DENND2A: variants seen among roughly 807,000 people sequenced by gnomAD.
DENND2A encodes DENN domain-containing protein 2A.
Under a neutral mutation model 105.3 loss-of-function variants are expected in DENND2A, and 53 were observed. That is an observed-to-expected ratio of 0.50 (90% CI 0.40 to 0.63). DENND2A has a LOEUF of 0.63. Among genes scored for constraint, DENND2A ranks in the 30% least tolerant of loss-of-function variants. The probability of loss-of-function intolerance (pLI) is 0.00; values close to 1 mark genes in which losing one functional copy is unlikely to be tolerated. For missense variants in DENND2A, 1,138 were observed against 1,279.6 expected (o/e 0.89, Z 1.69); for synonymous variants, 522 against 508.4 (o/e 1.03, Z -0.36).
At chr7:140,537,202 AC>A (rs1186198060) in intron 14 of DENND2A, among the ~76,000 whole-genome samples, 3 of 152,178 alleles carry the variant, frequency 2.0e-5, no homozygotes, top group African/African-American at 7.2e-5. Context: ...TCTAAAAAGG[AC>A]ATGGGATTCT....
chr7:140,555,345 G>A (rs2130556403), intron 12 of DENND2A, among the ~76,000 whole-genome samples: 1 of 151,866 alleles, frequency 6.6e-6, no homozygotes, highest in Middle Eastern at 3.4e-3. Flanking sequence ...CACCATGCTG[G>A]CCAGGCTTGT....
chr7:140,608,325 G>A (rs950242731), intron 1 of DENND2A, among the ~76,000 whole-genome samples: 1 of 152,128 alleles, frequency 6.6e-6, no homozygotes, highest in African/African-American at 2.4e-5. Flanking sequence ...AATTCACAAA[G>A]ATATTAAAAA....
At position 140,527,407 on chromosome 7, in the gene DENND2A, T is replaced by G; in HGVS notation, c.2416A>C (p.Met806Leu). 1 of 1,601,432 alleles carries G rather than the reference T, an allele frequency of 6.2e-7. No individual in the cohort carries two copies. Among genetic ancestry groups the G allele is most frequent in the Non-Finnish European group, 8.5e-7 (1 of 1,175,572 alleles). Residue 806 changes from methionine (M) to leucine (L), a missense_variant, in exon 15 of 20, where the codon ATG (methionine) becomes CTG (leucine). By Grantham distance (15) the Met-to-Leu change is conservative. Transcript: ENST00000496613. The surrounding 1 kb of genome is among the most constrained non-coding windows in gnomAD (Gnocchi z 4.9). Reference sequence around the variant, plus strand: ...GTCGGCGAGCACACGATGTCGACCATGGCGGGTGGCAGCACCGGGATGTAG... The same window carrying G: ...GTCGGCGAGCACACGATGTCGACCAGGGCGGGTGGCAGCACCGGGATGTAG... ...HTYIPVLPPA[M>L]VDIVCSPTPF...
Position 140,518,755 on chromosome 7 carries a change from T to C in DENND2A, c.2999-17A>G. The stretch of plus-strand genomic sequence containing the variant: ...TTTTATTGCCTAAAAAAAAGGAAAA[T>C]GAGAACATTTCACAAGGCAGACAAA... On this transcript the variant is annotated splice_polypyrimidine_tract_variant and intron_variant, in intron 19 of 19. Coordinates refer to ENST00000496613, the MANE Select transcript of DENND2A (RefSeq NM_015689.5). 1 of 1,611,688 alleles carries C rather than the reference T, an allele frequency of 6.2e-7. No individual in the cohort carries two copies. The highest frequency in any genetic ancestry group is 1.3e-5 in the African/African-American group (1 of 74,928).
rs188250577 is a variant in DENND2A at position 140,631,340 on chromosome 7, A to G, written c.-248+9164T>C. On this transcript the variant is annotated intron_variant, in intron 1 of 19. Transcript: ENST00000496613. ...ATTCTCTTTCTCGTTTTCTCTGACAAATTGGCAGCCTGAACCTCGGGGTTG... is the reference window on the plus strand; with the variant it reads ...ATTCTCTTTCTCGTTTTCTCTGACAGATTGGCAGCCTGAACCTCGGGGTTG... 2.0e-3 allele frequency among the ~76,000 whole-genome samples: 298 copies of G among 152,176 alleles called. 1 individual carries two copies. Among genetic ancestry groups the G allele is most frequent in the African/African-American group, 6.8e-3 (283 of 41,530 alleles).
chr7:140,549,083 G>A (rs553236934), intron 12 of DENND2A, among the ~76,000 whole-genome samples: 2 of 151,836 alleles, frequency 1.3e-5, no homozygotes, highest in East Asian at 4.0e-4. Flanking sequence ...CAGGCGTGGT[G>A]GCAGGCTATA....
intron 1 of DENND2A, among the ~76,000 whole-genome samples, chr7:140,625,632 A>G (rs1318643668): frequency 2.6e-5 from 4 of 152,158 alleles, no homozygotes; most frequent in Admixed American, 6.5e-5. Flanking sequence ...CAGTGAGCCG[A>G]GATCATGCCA....
intron 1 of DENND2A, among the ~76,000 whole-genome samples, chr7:140,612,900 A>G (rs533675561): frequency 6.6e-6 from 1 of 151,954 alleles, no homozygotes; most frequent in East Asian, 2.0e-4. Context: ...GGATCACCTG[A>G]GGTCAGGAGT....
rs1006240268 is a variant in DENND2A, at chr7:140,527,861, G to T, written c.2328-366C>A. On this transcript the variant is annotated intron_variant, in intron 14 of 19. Transcript: ENST00000496613. The surrounding 1 kb of genome is among the most constrained non-coding windows in gnomAD (Gnocchi z 4.9). The stretch of plus-strand genomic sequence containing the variant: ...ATATTTTTAATTTTTTTGAGACGGA[G>T]TCTCACTCTGTTGCCCAGGCTGGGG... Among the ~76,000 whole-genome samples the T allele has an allele frequency of 6.6e-6, 1 of 151,906 alleles. No individual in the cohort carries two copies. The highest frequency in any genetic ancestry group is 1.5e-5 in the Non-Finnish European group (1 of 68,000).
At chr7:140,555,803 C>A in intron 11 of DENND2A, 90 bp from the exon 12 acceptor site, 1 of 1,033,192 alleles carries the variant, frequency 9.7e-7, no homozygotes, top group Admixed American at 2.6e-5. Context: ...CTATCATGTG[C>A]CAGATGTTTC....
intron 10 of DENND2A, among the ~76,000 whole-genome samples, chr7:140,558,903 A>T (rs2130569196): frequency 6.6e-6 from 1 of 151,412 alleles, no homozygotes; most frequent in African/African-American, 2.4e-5. Context: ...CCCGGGTTCA[A>T]GCGATTCTCC....
At chr7:140,552,021 G>A (rs1412420596) in intron 12 of DENND2A, among the ~76,000 whole-genome samples, 2 of 152,244 alleles carry the variant, frequency 1.3e-5, no homozygotes, top group African/African-American at 2.4e-5. Context: ...TGAAGCTTAC[G>A]TGAACTTCAA....
In DENND2A at chr7:140,523,537, G is replaced by GT; in HGVS notation, c.2548-114_2548-113insA. ...TGGCTCAGTCTCCAGTTTCATGGAA[G>GT]GAATACAACTGAAAGCCAGAGGTCT... On this transcript the variant is annotated intron_variant, in intron 16 of 19. Transcript: ENST00000496613. This position sits in a 1 kb window ranked among gnomAD's most constrained non-coding sequence, Gnocchi z 4.5. 1.2e-6 allele frequency: 1 copy of GT among 852,556 alleles called. No individual in the cohort carries two copies. Among genetic ancestry groups the GT allele is most frequent in the South Asian group, 1.5e-5 (1 of 65,160 alleles). The allele number at this position is 852,556 out of a possible 1,614,324, so 52.8% of individuals were successfully genotyped here.
chr7:140,617,078 G>A (rs1375752662), intron 1 of DENND2A, among the ~76,000 whole-genome samples: 1 of 152,142 alleles, frequency 6.6e-6, no homozygotes, highest in African/African-American at 2.4e-5. Flanking sequence ...GGATGGTCTC[G>A]AACTCCCGAC....
chr7:140,561,447 G>A lies in DENND2A; in HGVS notation c.1780-1630C>T, dbSNP rs776230361. Among the ~76,000 whole-genome samples, 7 of 150,232 alleles carry A rather than the reference G, an allele frequency of 4.7e-5. No individual in the cohort carries two copies. The South Asian group carries it at 6.3e-4, about 14-fold the overall frequency. ...ATATCTGAGGTTAGGAATTTATAAC[G>A]TCTAACCTAAATATAATGGCTAACC... On this transcript the variant is annotated intron_variant, in intron 9 of 19. Transcript: ENST00000496613.
At chr7:140,555,849 G>T in intron 11 of DENND2A, 136 bp from the exon 12 acceptor site, 1 of 604,976 alleles carries the variant, frequency 1.7e-6, no homozygotes, top group South Asian at 2.6e-5. Context: ...AATAAAGTAA[G>T]TTGTTATCCC....
chr7:140,619,576 T>G (rs1800205530), intron 1 of DENND2A, among the ~76,000 whole-genome samples: 2 of 152,008 alleles, frequency 1.3e-5, no homozygotes, highest in African/African-American at 2.4e-5. Context: ...CTCAGCTCAC[T>G]GCAACCTCCG....
chr7:140,600,321 C>A (rs1799436720), intron 3 of DENND2A, among the ~76,000 whole-genome samples: 1 of 151,970 alleles, frequency 6.6e-6, no homozygotes, highest in Admixed American at 6.6e-5. Flanking sequence ...ATGACATTGA[C>A]ATTTAAAGCC....
At chr7:140,549,271 T>C (rs140145608) in intron 12 of DENND2A, among the ~76,000 whole-genome samples, 415 of 151,988 alleles carry the variant, frequency 2.7e-3, no homozygotes, top group Non-Finnish European at 4.7e-3. Context: ...ATACACATTT[T>C]TTTTTTCCAG....
Sources: gnomAD v4.1 joint callset for allele counts (sites outside exome capture counted in the v4.1 genomes callset) on GRCh38, gnomAD v4.1.1 for gene constraint, Gnocchi (gnomAD v3.1) non-coding constraint, MANE v1.5 for transcripts, NCBI Gene and HGNC (gene_info 2026-07-23, HGNC 2026-07-21) for gene names.